The following CARD10 variants were observed in gnomAD, a reference collection of about 807,000 sequenced individuals.
The protein encoded by CARD10 is caspase recruitment domain family member 10, also known as caspase recruitment domain-containing protein 10.
CARD10 carries 49 observed loss-of-function variants against 114.6 expected under a neutral mutation model. The ratio of observed to expected loss-of-function variants is 0.43; its 90% confidence interval spans 0.34 to 0.54. The LOEUF (loss-of-function observed/expected upper bound fraction) is 0.54. Ranked by LOEUF, CARD10 falls within the 20% of genes least tolerant of loss-of-function variation. The probability of loss-of-function intolerance (pLI) is 0.03; values close to 1 mark genes in which losing one functional copy is unlikely to be tolerated. For missense variants in CARD10, 1,206 were observed against 1,397.2 expected (o/e 0.86, Z 2.18); for synonymous variants, 602 against 593.2 (o/e 1.01, Z -0.21).
chr22:37,514,998 G>A (rs568979462), intron 3 of CARD10, among the ~76,000 whole-genome samples: 36 of 152,352 alleles, frequency 2.4e-4, no homozygotes, highest in East Asian at 7.7e-4. Context: ...GAACAGCAGC[G>A]TGGGAAGGGG....
rs1922769360 is a variant in CARD10 at position 37,491,403 on chromosome 22, G to A, written c.2865-10C>T. Reference sequence around the variant, plus strand: ...CCGGCCCAGCAGACCCCTGCCGAGAGAAGAGTGAGCAGCGGTCAAAGTGGG... The same window carrying A: ...CCGGCCCAGCAGACCCCTGCCGAGAAAAGAGTGAGCAGCGGTCAAAGTGGG... On this transcript the variant is annotated splice_polypyrimidine_tract_variant and intron_variant, in intron 19 of 19. Transcript: ENST00000251973. The A allele has an allele frequency of 6.8e-7, 1 of 1,469,308 alleles. No individual in the cohort carries two copies. 91.0% of individuals were successfully genotyped at this position (1,469,308 alleles called of 1,614,324 possible).
chr22:37,518,208 G>C (rs1031855953), intron 1 of CARD10, 100 bp from the exon 2 acceptor site: 25 of 1,227,902 alleles, frequency 2.0e-5, no homozygotes, highest in African/African-American at 1.6e-4. Flanking sequence ...ACGTTCCCCA[G>C]ATTTTTGAGC....
intron 16 of CARD10, 80 bp downstream of exon 16, chr22:37,494,006 C>G (rs1922900186): frequency 9.1e-7 from 1 of 1,102,200 alleles, no homozygotes; most frequent in Non-Finnish European, 1.4e-6. Flanking sequence ...AGAGGCCACC[C>G]AAGCTAAAGG....
rs1307187986 is a variant in CARD10 at position 37,492,835 on chromosome 22, G to A, written c.2477-33C>T. ...AGGGGAGGGGCGCAAAAGAGATAAG[G>A]GCACAGGCAGGCAGCATACCAGCTC... On this transcript the variant is annotated intron_variant, in intron 16 of 19. Coordinates refer to ENST00000251973, the MANE Select transcript of CARD10 (RefSeq NM_014550.4). This position sits in a 1 kb window ranked among gnomAD's most constrained non-coding sequence, Gnocchi z 5.7. The A allele has an allele frequency of 1.3e-6, 2 of 1,596,502 alleles. No individual in the cohort carries two copies.
At chr22:37,500,762 T>A (rs1215012265) in intron 11 of CARD10, among the ~76,000 whole-genome samples, 1 of 152,196 alleles carries the variant, frequency 6.6e-6, no homozygotes, top group East Asian at 1.9e-4. Context: ...TCCTGGTCTG[T>A]GTAACGAGGT....
intron 6 of CARD10, 151 bp downstream of exon 6, chr22:37,507,678 T>C: frequency 2.1e-6 from 2 of 950,432 alleles, no homozygotes; most frequent in Middle Eastern, 2.2e-4. Context: ...GTCTCCTGTC[T>C]GGTTCCCCCA....
rs111291519 is a variant in CARD10 at position 37,510,038 on chromosome 22, T to C, written c.909+174A>G. 4.1e-3 allele frequency among the ~76,000 whole-genome samples: 481 copies of C among 117,220 alleles called. 22 individuals carry two copies. Among genetic ancestry groups the C allele is most frequent in the African/African-American group, 0.013 (451 of 34,418 alleles). 76.9% of individuals were successfully genotyped at this position (117,220 alleles called of 152,430 possible). ...CATGGGCCCCAGCCCTGGTACCTGC[T>C]GCAGGCCCTCCTGAGCCCCGCTACC... On this transcript the variant is annotated intron_variant, in intron 4 of 19. Transcript: ENST00000251973.
chr22:37,519,284 C>A lies in CARD10; in HGVS notation c.-84G>T. ...GGGCTAGATGTGCGGCCAAGCACCCCCGGGGCGTCGTCCGCAGACCCGCCG... is the reference window on the plus strand; with the variant it reads ...GGGCTAGATGTGCGGCCAAGCACCCACGGGGCGTCGTCCGCAGACCCGCCG... On this transcript the variant is annotated 5_prime_UTR_variant, in exon 1 of 20. Transcript: ENST00000251973. This position sits in a 1 kb window ranked among gnomAD's most constrained non-coding sequence, Gnocchi z 4.1. 2 of 1,365,232 alleles carry A rather than the reference C, an allele frequency of 1.5e-6. No homozygotes were observed. The highest frequency in any genetic ancestry group is 3.4e-5 in the South Asian group (2 of 57,978). The allele number at this position is 1,365,232 out of a possible 1,614,324, so 84.6% of individuals were successfully genotyped here.
In CARD10 at chr22:37,501,806, C is replaced by T. The variant is rs924758591; in HGVS notation, c.1787+796G>A. ...ATGTTGTAAAACAGCCAGCAGCTGG[C>T]CTTGCAGTTAATAACTAAACCCTCC... On this transcript the variant is annotated intron_variant, in intron 11 of 19. Transcript: ENST00000251973. This position sits in a 1 kb window ranked among gnomAD's most constrained non-coding sequence, Gnocchi z 5.4. Among the ~76,000 whole-genome samples the T allele has an allele frequency of 1.3e-5, 2 of 152,214 alleles. No individual in the cohort carries two copies. Among genetic ancestry groups the T allele is most frequent in the Non-Finnish European group, 2.9e-5 (2 of 68,044 alleles).
At chr22:37,498,149 C>T (rs1923076009) in intron 11 of CARD10, among the ~76,000 whole-genome samples, 1 of 152,152 alleles carries the variant, frequency 6.6e-6, no homozygotes, top group Admixed American at 6.5e-5. Flanking sequence ...GGGTGCTTTC[C>T]ATGTGCCAGA....
chr22:37,491,500 C>T (rs1885624885), intron 19 of CARD10, 107 bp from the exon 20 acceptor site: 3 of 610,326 alleles, frequency 4.9e-6, no homozygotes. Context: ...AGAAGATGGA[C>T]AACCAAAGAG....
In CARD10 at chr22:37,495,629, CT is replaced by C. The variant is rs1411544752; in HGVS notation, c.2304-44del. The C allele has an allele frequency of 2.5e-6, 4 of 1,609,096 alleles. No homozygotes were observed. In the East Asian group the frequency reaches 8.9e-5, roughly 36 times the overall value. ...ATCATGTGTGTAGAAAGAAGGAAAG[CT>C]CCTCATTTCTCCTCGAACCCCCCGC... On this transcript the variant is annotated intron_variant, in intron 14 of 19. Transcript: ENST00000251973.
intron 5 of CARD10, 62 bp from the exon 6 acceptor site, chr22:37,508,016 C>CA (rs756537670): frequency 1.4e-4 from 218 of 1,599,908 alleles, no homozygotes; most frequent in Admixed American, 2.5e-4. Flanking sequence ...AGCTAACCAG[C>CA]AGGTGCCCAG....
At position 37,503,201 on chromosome 22, in the gene CARD10, G is replaced by A. The variant is rs745532871; in HGVS notation, c.1647C>T (p.Ser549=). 9 of 1,611,520 alleles carry A rather than the reference G, an allele frequency of 5.6e-6. 1 individual carries two copies. The highest frequency in any genetic ancestry group is 3.3e-4 in the Middle Eastern group (2 of 6,052). ...DPAPPKRSFS[S]MSDITGSVTL... Reference sequence around the variant, plus strand: ...GGCTGTTACCTGTGATGTCTGACATGCTGCTGAAGGATCTGGGCAGAGAGA... The same window carrying A: ...GGCTGTTACCTGTGATGTCTGACATACTGCTGAAGGATCTGGGCAGAGAGA... The change falls in exon 10 of 20, where the codon AGC becomes AGT. Residue 549 remains serine (S), a synonymous_variant. Transcript: ENST00000251973.
intron 1 of CARD10, 23 bp downstream of exon 1, chr22:37,518,942 GC>G (rs1277220129): frequency 2.0e-6 from 3 of 1,507,414 alleles, no homozygotes; most frequent in Non-Finnish European, 2.7e-6. Context: ...CCAGGTCGTG[GC>G]CCACTCGGGA....
chr22:37,516,870 A>G (rs1262665556), intron 2 of CARD10, among the ~76,000 whole-genome samples: 1 of 152,232 alleles, frequency 6.6e-6, no homozygotes, highest in Non-Finnish European at 1.5e-5. Context: ...TATTTACCCA[A>G]GGTTTAATAA....
At chr22:37,504,522 C>G (rs1319070246) in intron 8 of CARD10, 113 bp downstream of exon 8, 25 of 1,432,962 alleles carry the variant, frequency 1.7e-5, no homozygotes, top group Non-Finnish European at 2.3e-5. Flanking sequence ...ACTTGGCCTC[C>G]CTGCGCCTCA....
intron 9 of CARD10, 104 bp from the exon 10 acceptor site, chr22:37,503,317 C>A (rs1201720847): frequency 2.6e-6 from 3 of 1,176,052 alleles, no homozygotes; most frequent in Non-Finnish European, 3.5e-6. Flanking sequence ...CTCACAGCCC[C>A]CAAGCAAATG....
rs200553561 is a variant in CARD10 at position 37,491,203 on chromosome 22, C to G, written c.3055G>C (p.Glu1019Gln). The G allele has an allele frequency of 2.6e-4, 412 of 1,578,392 alleles. 1 individual carries two copies. Among genetic ancestry groups the G allele is most frequent in the Admixed American group, 1.3e-3 (70 of 55,068 alleles). Residue 1019 changes from glutamate (E) to glutamine (Q), a missense_variant, in exon 20 of 20, where the codon GAG becomes CAG. Physicochemically the swap from Glu to Gln is conservative, Grantham distance 29. This residue lies in a region of CARD10 where 1,068 missense variants were observed against 1,179.1 expected (regional missense o/e 0.91). Coordinates refer to ENST00000251973, the MANE Select transcript of CARD10 (RefSeq NM_014550.4). Reference sequence around the variant, plus strand: ...GGGCAGCCTCTGCTGCTGCCGCACTCCACCCACACGAGGCGGGCCTGCTCC... The same window carrying G: ...GGGCAGCCTCTGCTGCTGCCGCACTGCACCCACACGAGGCGGGCCTGCTCC... Reference protein sequence around the residue: ...LQEQARLVWVECGSSRGCPSS... With the variant: ...LQEQARLVWVQCGSSRGCPSS...
Sources: allele counts gnomAD v4.1 joint callset (sites outside exome capture counted in the v4.1 genomes callset), GRCh38; gene constraint gnomAD v4.1.1; regional missense constraint gnomAD v4.1.1; non-coding constraint Gnocchi (gnomAD v3.1); transcripts MANE v1.5; gene names NCBI Gene and HGNC (gene_info 2026-07-23, HGNC 2026-07-21).